The following ZNF32 variants were observed in gnomAD, a reference collection of about 807,000 sequenced individuals.
ZNF32 encodes zinc finger protein 32.
A neutral mutation model predicts 24.4 loss-of-function variants in ZNF32; 13 were observed. The observed-to-expected ratio is 0.53, with a 90% CI of 0.35 to 0.85. ZNF32 has a LOEUF of 0.85. Among genes scored for constraint, ZNF32 ranks in the 40% least tolerant of loss-of-function variants. The probability of loss-of-function intolerance (pLI) is 0.01; values close to 1 mark genes in which losing one functional copy is unlikely to be tolerated. For synonymous variants in ZNF32, 115 were observed against 117.4 expected (o/e 0.98, Z 0.13); for missense variants, 239 against 325.3 (o/e 0.73, Z 2.04).
In ZNF32 at chr10:43,644,602, A is replaced by G. The variant is rs773863520; in HGVS notation, c.270T>C (p.Gly90=). Residue 90 remains glycine, a synonymous_variant, in exon 3 of 3, where the codon GGT becomes GGC. Transcript: ENST00000374433. The surrounding 1 kb of genome is among the most constrained non-coding windows in gnomAD (Gnocchi z 5.3). ...GGATTCTCTCATGTAACGTTAGACTACCTTTTTGCCGGAAGGATTTTCCAC... is the reference window on the plus strand; with the variant it reads ...GGATTCTCTCATGTAACGTTAGACTGCCTTTTTGCCGGAAGGATTTTCCAC... ...QECGKSFRQK[G]SLTLHERIHT... 9 of 1,613,714 alleles carry G rather than the reference A, an allele frequency of 5.6e-6. No homozygotes were observed. Among genetic ancestry groups the G allele is most frequent in the African/African-American group, 1.3e-5 (1 of 74,892 alleles).
At chr10:43,646,345 C>G in intron 1 of ZNF32, 143 bp from the exon 2 acceptor site, 1 of 570,646 alleles carries the variant, frequency 1.8e-6, no homozygotes, top group Non-Finnish European at 3.1e-6. Flanking sequence ...TAAAATATCA[C>G]TGCAAAATGG....
Position 43,644,881 on chromosome 10 carries a change from G to C in ZNF32, c.71-80C>G. 6.9e-7 allele frequency: 1 copy of C among 1,453,130 alleles called. No individual in the cohort carries two copies. The highest frequency in any genetic ancestry group is 2.3e-5 in the East Asian group (1 of 43,310). The allele number at this position is 1,453,130 out of a possible 1,614,324, so 90.0% of individuals were successfully genotyped here. A position where few individuals can be genotyped will look rare whatever the true frequency, so the allele number is the denominator to read the frequency against. ...TAGGGAAAAAGAAACATAATACTTT[G>C]AGTGCTTATGATGTGCCAGGCCTTA... On this transcript the variant is annotated intron_variant, in intron 2 of 2. Transcript: ENST00000374433. The surrounding 1 kb of genome is among the most constrained non-coding windows in gnomAD (Gnocchi z 5.3).
intron 2 of ZNF32, 186 bp downstream of exon 2, chr10:43,645,878 T>A: frequency 7.7e-7 from 1 of 1,295,506 alleles, no homozygotes; most frequent in South Asian, 1.8e-5. Context: ...ATCAAGATGG[T>A]TCTCTTGCTC....
Position 43,644,927 on chromosome 10 carries a change from ATCC to A in ZNF32, c.71-129_71-127del. 6.4e-6 allele frequency: 7 copies of A among 1,095,518 alleles called. No individual in the cohort carries two copies. Among genetic ancestry groups the A allele is most frequent in the Non-Finnish European group, 9.0e-6 (7 of 780,370 alleles). 67.9% of individuals were successfully genotyped at this position (1,095,518 alleles called of 1,614,324 possible). On this transcript the variant is annotated intron_variant, in intron 2 of 2. Transcript: ENST00000374433. The surrounding 1 kb of genome is among the most constrained non-coding windows in gnomAD (Gnocchi z 5.3). ...CCTTATTCTTTGCATAGACAATGCA[ATCC>A]TGAAAACAATGCCATGAGAGTGATA...
At chr10:43,645,923 G>A in intron 2 of ZNF32, 141 bp downstream of exon 2, 4 of 1,435,102 alleles carry the variant, frequency 2.8e-6, no homozygotes, top group Non-Finnish European at 3.7e-6. Flanking sequence ...CAGCTCACAG[G>A]CTTTTCTTAT....
chr10:43,646,294 G>T, intron 1 of ZNF32, 92 bp from the exon 2 acceptor site: 1 of 745,140 alleles, frequency 1.3e-6, no homozygotes, highest in Non-Finnish European at 2.1e-6. Flanking sequence ...AGACATAAGT[G>T]AATGTAAGAA....
At position 43,648,819 on chromosome 10, in the gene ZNF32, G is replaced by A. The variant is rs1030863101; in HGVS notation, c.-87C>T. On this transcript the variant is annotated 5_prime_UTR_variant, in exon 1 of 3. Coordinates refer to ENST00000374433, the MANE Select transcript of ZNF32 (RefSeq NM_006973.3). ...TCACTCACCGCAGCGGCGCGTGCCC[G>A]CAGACAAAGGCCGGCGCCGAGCCCG... is the stretch of plus-strand genomic sequence containing the variant. 2 of 151,914 alleles carry A rather than the reference G, an allele frequency of 1.3e-5. No individual in the cohort carries two copies. Among genetic ancestry groups the A allele is most frequent in the Non-Finnish European group, 2.9e-5 (2 of 67,898 alleles). 9.4% of individuals were successfully genotyped at this position (151,914 alleles called of 1,614,324 possible). A position where few individuals can be genotyped will look rare whatever the true frequency, so the allele number is the denominator to read the frequency against.
rs1564490827 is a variant in ZNF32, at chr10:43,644,202, T to C, written c.670A>G (p.Lys224Glu). 17 of 1,614,218 alleles carry C rather than the reference T, an allele frequency of 1.1e-5. No homozygotes were observed. Among genetic ancestry groups the C allele is most frequent in the Non-Finnish European group, 1.4e-5 (17 of 1,180,038 alleles). ...LKPYACTQCR[K>E]SFHTRGNCIL... is the part of the protein sequence containing the mutation. ...CAATTCCCCCTGGTGTGGAAACTCT[T>C]CCTGCACTGGGTACAGGCATAGGGC... Residue 224 changes from lysine (K) to glutamate (E), a missense_variant, in exon 3 of 3, where the codon AAG (lysine) becomes GAG (glutamate). By Grantham distance (56) the Lys-to-Glu change is moderately conservative. Coordinates refer to ENST00000374433, the MANE Select transcript of ZNF32 (RefSeq NM_006973.3). This position sits in a 1 kb window ranked among gnomAD's most constrained non-coding sequence, Gnocchi z 5.3.
chr10:43,648,329 G>C (rs1012749940), intron 1 of ZNF32, among the ~76,000 whole-genome samples: 2 of 152,200 alleles, frequency 1.3e-5, no homozygotes, highest in Non-Finnish European at 2.9e-5. Context: ...TTCAGGTTTA[G>C]GAGCTTGTGG....
At chr10:43,645,855 A>G in intron 2 of ZNF32, 1 of 1,100,650 alleles carries the variant, frequency 9.1e-7, no homozygotes, top group East Asian at 3.1e-5. Context: ...GACTACTTCA[A>G]CGCTACCTCC....
At position 43,644,039 on chromosome 10, in the gene ZNF32, C is replaced by G. The variant is rs1839193260; in HGVS notation, c.*11G>C. On this transcript the variant is annotated 3_prime_UTR_variant, in exon 3 of 3. Transcript: ENST00000374433. This position sits in a 1 kb window ranked among gnomAD's most constrained non-coding sequence, Gnocchi z 5.3. ...TTAATTCATAAAGAGAACTTCTCTT[C>G]AGGAAAGTGGTCAAAGGGTGAGCCT... is the stretch of plus-strand genomic sequence containing the variant. 1 of 1,599,226 alleles carries G rather than the reference C, an allele frequency of 6.3e-7. No homozygotes were observed. Among genetic ancestry groups the G allele is most frequent in the African/African-American group, 1.3e-5 (1 of 74,238 alleles).
In ZNF32 at chr10:43,644,946, G is replaced by A; in HGVS notation, c.71-145C>T. 1.1e-6 allele frequency: 1 copy of A among 946,476 alleles called. No homozygotes were observed. Among genetic ancestry groups the A allele is most frequent in the Non-Finnish European group, 1.5e-6 (1 of 650,664 alleles). 58.6% of individuals were successfully genotyped at this position (946,476 alleles called of 1,614,324 possible). Reference sequence around the variant, plus strand: ...AATGCAATCCTGAAAACAATGCCATGAGAGTGATACAGATAATGGGAGCAA... The same window carrying A: ...AATGCAATCCTGAAAACAATGCCATAAGAGTGATACAGATAATGGGAGCAA... On this transcript the variant is annotated intron_variant, in intron 2 of 2. Transcript: ENST00000374433. The surrounding 1 kb of genome is among the most constrained non-coding windows in gnomAD (Gnocchi z 5.3).
Position 43,644,880 on chromosome 10 carries a change from T to A in ZNF32, c.71-79A>T, listed in dbSNP as rs2132376042. 1 of 1,453,328 alleles carries A rather than the reference T, an allele frequency of 6.9e-7. No homozygotes were observed. The highest frequency in any genetic ancestry group is 2.3e-5 in the East Asian group (1 of 43,320). 90.0% of individuals were successfully genotyped at this position (1,453,328 alleles called of 1,614,324 possible). A position where few individuals can be genotyped will look rare whatever the true frequency, so the allele number is the denominator to read the frequency against. ...ATAGGGAAAAAGAAACATAATACTT[T>A]GAGTGCTTATGATGTGCCAGGCCTT... On this transcript the variant is annotated intron_variant, in intron 2 of 2. Transcript: ENST00000374433. This position sits in a 1 kb window ranked among gnomAD's most constrained non-coding sequence, Gnocchi z 5.3.
chr10:43,646,017 G>A (rs769282680), intron 2 of ZNF32, 47 bp downstream of exon 2: 4 of 1,611,892 alleles, frequency 2.5e-6, no homozygotes, highest in Non-Finnish European at 3.4e-6. Flanking sequence ...CAGGGACACT[G>A]AATATCTGTG....
At chr10:43,646,379 A>G in intron 1 of ZNF32, 177 bp from the exon 2 acceptor site, 1 of 484,280 alleles carries the variant, frequency 2.1e-6, no homozygotes, top group Non-Finnish European at 3.7e-6. Context: ...AGGACCACAC[A>G]CAAATGAGTC....
In ZNF32 at chr10:43,644,954, T is replaced by G; in HGVS notation, c.71-153A>C. Reference sequence around the variant, plus strand: ...CCTGAAAACAATGCCATGAGAGTGATACAGATAATGGGAGCAAAGGGAGCC... The same window carrying G: ...CCTGAAAACAATGCCATGAGAGTGAGACAGATAATGGGAGCAAAGGGAGCC... On this transcript the variant is annotated intron_variant, in intron 2 of 2. Coordinates refer to ENST00000374433, the MANE Select transcript of ZNF32 (RefSeq NM_006973.3). The surrounding 1 kb of genome is among the most constrained non-coding windows in gnomAD (Gnocchi z 5.3). The G allele has an allele frequency of 1.1e-6, 1 of 886,942 alleles. No individual in the cohort carries two copies. Among genetic ancestry groups the G allele is most frequent in the Non-Finnish European group, 1.7e-6 (1 of 599,964 alleles). The allele number at this position is 886,942 out of a possible 1,614,324, so 54.9% of individuals were successfully genotyped here.
At chr10:43,646,927 TAGAC>T (rs1489671991) in intron 1 of ZNF32, among the ~76,000 whole-genome samples, 2 of 152,218 alleles carry the variant, frequency 1.3e-5, no homozygotes, top group Non-Finnish European at 2.9e-5. Context: ...GCTCTTACAT[TAGAC>T]AGTTGTCTAG....
Position 43,644,174 on chromosome 10 carries a change from A to C in ZNF32, c.698T>G (p.Ile233Ser). 6.2e-7 allele frequency: 1 copy of C among 1,614,212 alleles called. No individual in the cohort carries two copies. Among genetic ancestry groups the C allele is most frequent in the Admixed American group, 1.7e-5 (1 of 60,028 alleles). ...TCCTGTGTGGATTTTGCCATGCAGA[A>C]TACAATTCCCCCTGGTGTGGAAACT... ...RKSFHTRGNCILHGKIHTGET... is the reference protein window; with the variant it reads ...RKSFHTRGNCSLHGKIHTGET... Residue 233 changes from isoleucine to serine, a missense_variant, in exon 3 of 3, where the codon ATT becomes AGT. By Grantham distance (142) the Ile-to-Ser change is moderately radical (BLOSUM62 -2). Coordinates refer to ENST00000374433, the MANE Select transcript of ZNF32 (RefSeq NM_006973.3). The surrounding 1 kb of genome is among the most constrained non-coding windows in gnomAD (Gnocchi z 5.3).
In ZNF32 at chr10:43,646,209, G is replaced by A. The variant is rs1339775449; in HGVS notation, c.-69-7C>T. On this transcript the variant is annotated splice_polypyrimidine_tract_variant and splice_region_variant and intron_variant, in intron 1 of 2. Coordinates refer to ENST00000374433, the MANE Select transcript of ZNF32 (RefSeq NM_006973.3). ...ATGGGCTGTTCCTGAGCACCTGAGG[G>A]AGAAAAACAAACAGAAACAAACAGG... 6.5e-7 allele frequency: 1 copy of A among 1,534,032 alleles called. No homozygotes were observed. The highest frequency in any genetic ancestry group is 8.9e-7 in the Non-Finnish European group (1 of 1,122,960).
Sources: gnomAD v4.1 joint callset for allele counts (sites outside exome capture counted in the v4.1 genomes callset) on GRCh38, gnomAD v4.1.1 for gene constraint, Gnocchi (gnomAD v3.1) non-coding constraint, MANE v1.5 for transcripts, NCBI Gene and HGNC (gene_info 2026-07-23, HGNC 2026-07-21) for gene names.